Variants in TMEM178A observed in about 807,000 individuals in gnomAD.
TMEM178A encodes transmembrane protein 178.
A neutral mutation model predicts 29.1 loss-of-function variants in TMEM178A; 12 were observed. That is an observed-to-expected ratio of 0.41 (90% CI 0.26 to 0.67). The LOEUF (loss-of-function observed/expected upper bound fraction) is 0.67, where lower values mean the gene tolerates loss of function less well. Among genes scored for constraint, TMEM178A ranks in the 30% least tolerant of loss-of-function variants. The probability of loss-of-function intolerance (pLI) is 0.29; values close to 1 mark genes in which losing one functional copy is unlikely to be tolerated. For synonymous variants in TMEM178A, 210 were observed against 187.2 expected (o/e 1.12, Z -0.99); for missense variants, 366 against 419.1 (o/e 0.87, Z 1.11).
At chr2:39,677,742 C>G (rs1282827043) in intron 1 of TMEM178A, among the ~76,000 whole-genome samples, 1 of 150,282 alleles carries the variant, frequency 6.7e-6, no homozygotes, top group Non-Finnish European at 1.5e-5. Flanking sequence ...CTAGGCTCCT[C>G]TTGGACCTCT....
chr2:39,686,518 C>T (rs1671081798), intron 1 of TMEM178A, among the ~76,000 whole-genome samples: 2 of 152,046 alleles, frequency 1.3e-5, no homozygotes, highest in African/African-American at 2.4e-5. Context: ...CTTCTGGTGC[C>T]GAGGGTGATG....
At chr2:39,730,331 G>GCTGA in the TMEM178A span, among the ~76,000 whole-genome samples, 1 of 152,128 alleles carries the variant, frequency 6.6e-6, no homozygotes. Flanking sequence ...AGAAAAAGGG[G>GCTGA]CTGACTACAT....
chr2:39,732,766 A>G, the TMEM178A span, among the ~76,000 whole-genome samples: 1 of 152,170 alleles, frequency 6.6e-6, no homozygotes, highest in Non-Finnish European at 1.5e-5. Flanking sequence ...TAAGGGCATT[A>G]GGGAGCTGCT....
chr2:39,690,850 C>T (rs900800931), intron 1 of TMEM178A, among the ~76,000 whole-genome samples: 11 of 152,222 alleles, frequency 7.2e-5, no homozygotes, highest in South Asian at 4.2e-4. Context: ...ATCAGGAATA[C>T]GATACTGAAC....
intron 1 of TMEM178A, among the ~76,000 whole-genome samples, chr2:39,686,350 G>C (rs1229846898): frequency 7.9e-5 from 12 of 151,994 alleles, no homozygotes; most frequent in Admixed American, 6.6e-4. Flanking sequence ...TGGTAAAAGG[G>C]GATAATCCAT....
intron 1 of TMEM178A, among the ~76,000 whole-genome samples, chr2:39,695,475 C>G (rs1671497935): frequency 6.6e-6 from 1 of 150,476 alleles, no homozygotes; most frequent in South Asian, 2.2e-4. Flanking sequence ...TGAGGCTCAG[C>G]AAAGAGAGTG....
intron 1 of TMEM178A, among the ~76,000 whole-genome samples, chr2:39,695,293 A>G (rs759951800): frequency 6.6e-5 from 10 of 152,102 alleles, no homozygotes; most frequent in Non-Finnish European, 1.2e-4. Context: ...AGAGAACCTT[A>G]AGCATTAGTG....
intron 1 of TMEM178A, among the ~76,000 whole-genome samples, chr2:39,668,091 G>A (rs781333755): frequency 6.6e-6 from 1 of 152,212 alleles, no homozygotes; most frequent in South Asian, 2.1e-4. Flanking sequence ...TACAGTAGAA[G>A]AGGGGACCCC....
the TMEM178A span, among the ~76,000 whole-genome samples, chr2:39,734,726 A>T: frequency 2.6e-5 from 4 of 152,182 alleles, no homozygotes; most frequent in Non-Finnish European, 5.9e-5. Context: ...TCCAAAACAG[A>T]ATTTCTGATA....
In TMEM178A at chr2:39,717,801, C is replaced by G. The variant is rs1325644729; in HGVS notation, c.*550C>G. 3 of 152,212 alleles carry G rather than the reference C, an allele frequency of 2.0e-5. No individual in the cohort carries two copies. Among genetic ancestry groups the G allele is most frequent in the Non-Finnish European group, 1.5e-5 (1 of 68,560 alleles). The allele number at this position is 152,212 out of a possible 1,614,324, so 9.4% of individuals were successfully genotyped here. On this transcript the variant is annotated 3_prime_UTR_variant, in exon 4 of 4. Transcript: ENST00000281961. ...TTATTGTTTTTTTTTTTTTAAGTCT[C>G]TTCTCTGTCTTTGTACTGGAATCGA...
chr2:39,677,405 A>AAT (rs1413824248), intron 1 of TMEM178A, among the ~76,000 whole-genome samples: 2 of 152,234 alleles, frequency 1.3e-5, no homozygotes, highest in African/African-American at 4.8e-5. Flanking sequence ...CTATAAATAT[A>AAT]ATAACTTTGA....
At chr2:39,731,691 G>A in the TMEM178A span, among the ~76,000 whole-genome samples, 1 of 152,152 alleles carries the variant, frequency 6.6e-6, no homozygotes, top group South Asian at 2.1e-4. Context: ...GAGCTTCCAG[G>A]AGGACAAACT....
In TMEM178A at chr2:39,715,433, A is replaced by C. The variant is rs75126526; in HGVS notation, c.653-1577A>C. Among the ~76,000 whole-genome samples the C allele has an allele frequency of 2.9e-3, 291 of 101,768 alleles. 1 individual carries two copies. The highest frequency in any genetic ancestry group is 0.011 in the African/African-American group (283 of 26,730). 66.8% of individuals were successfully genotyped at this position (101,768 alleles called of 152,430 possible). On this transcript the variant is annotated intron_variant, in intron 3 of 3. Transcript: ENST00000281961. ...AAAACATTTGTGTAGATCTAAGAAC[A>C]TTTGCTTTTCACAAGGTTTGAGAAA...
the TMEM178A span, among the ~76,000 whole-genome samples, chr2:39,733,772 G>C: frequency 6.6e-6 from 1 of 152,050 alleles, no homozygotes; most frequent in Non-Finnish European, 1.5e-5. Flanking sequence ...GCATAAATTT[G>C]AGAATGAAAA....
chr2:39,712,595 C>T (rs1672357499), intron 3 of TMEM178A, among the ~76,000 whole-genome samples: 1 of 151,948 alleles, frequency 6.6e-6, no homozygotes, highest in South Asian at 2.1e-4. Flanking sequence ...GTCAGGAAAC[C>T]AGTAATTTAT....
At chr2:39,700,835 A>ATTTTTTTTTTTTTTTT (rs950377919) in intron 1 of TMEM178A, among the ~76,000 whole-genome samples, 2 of 146,004 alleles carry the variant, frequency 1.4e-5, no homozygotes, top group South Asian at 4.4e-4. Flanking sequence ...TTTACTACAT[A>ATTTTTTTTTTTTTTTT]TTTTTTTTTT....
intron 1 of TMEM178A, among the ~76,000 whole-genome samples, chr2:39,675,500 C>T (rs892113574): frequency 6.6e-6 from 1 of 151,964 alleles, no homozygotes; most frequent in Non-Finnish European, 1.5e-5. Flanking sequence ...GAGTAGTTCC[C>T]CGTTGACTTA....
chr2:39,665,960 G>A lies in TMEM178A; in HGVS notation c.-15G>A. 1 of 1,334,752 alleles carries A rather than the reference G, an allele frequency of 7.5e-7. No individual in the cohort carries two copies. Among genetic ancestry groups the A allele is most frequent in the Non-Finnish European group, 9.6e-7 (1 of 1,045,786 alleles). The allele number at this position is 1,334,752 out of a possible 1,614,324, so 82.7% of individuals were successfully genotyped here. On this transcript the variant is annotated 5_prime_UTR_variant, in exon 1 of 4. Coordinates refer to ENST00000281961, the MANE Select transcript of TMEM178A (RefSeq NM_152390.3). The stretch of plus-strand genomic sequence containing the variant: ...GCGCGCGAGCCCACCGGCGGCTGCG[G>A]CGGGGCGGGAAGCCATGGAGCCGCG...
intron 1 of TMEM178A, among the ~76,000 whole-genome samples, chr2:39,690,748 G>A (rs180997862): frequency 6.6e-6 from 1 of 152,182 alleles, no homozygotes; most frequent in African/African-American, 2.4e-5. Context: ...CCCCAAAGAG[G>A]TGAATATCTA....
Sources: gnomAD v4.1 joint callset for allele counts (sites outside exome capture counted in the v4.1 genomes callset) on GRCh38, gnomAD v4.1.1 for gene constraint, MANE v1.5 for transcripts, NCBI Gene and HGNC (gene_info 2026-07-23, HGNC 2026-07-21) for gene names.